SLC71A1: variants seen among roughly 807,000 people sequenced by gnomAD.
SLC71A1 encodes solute carrier family 71 member 1.
the SLC71A1 span, among the ~76,000 whole-genome samples, chr1:100,053,655 A>T: frequency 6.6e-6 from 1 of 152,078 alleles, no homozygotes; most frequent in East Asian, 1.9e-4. Context: ...GATAGCCTTA[A>T]TTTCTTAATT....
chr1:100,047,301 GA>G, the SLC71A1 span, among the ~76,000 whole-genome samples: 15 of 152,094 alleles, frequency 9.9e-5, no homozygotes, highest in African/African-American at 3.6e-4. Flanking sequence ...ATCATTAATT[GA>G]AATGATCATT....
chr1:100,068,561 C>T, the SLC71A1 span: 1 of 1,611,524 alleles, frequency 6.2e-7, no homozygotes, highest in Non-Finnish European at 8.5e-7. Context: ...GGCCAATATT[C>T]CAGCTTTTTT....
chr1:100,074,575 A>G, the SLC71A1 span, among the ~76,000 whole-genome samples: 34 of 150,202 alleles, frequency 2.3e-4, no homozygotes, highest in Non-Finnish European at 4.0e-4. Flanking sequence ...GCGAAACTCC[A>G]TCTCGGGGGG....
the SLC71A1 span, chr1:100,079,515 G>C: frequency 6.6e-6 from 1 of 152,060 alleles, no homozygotes; most frequent in Non-Finnish European, 1.5e-5. Flanking sequence ...GGAAGGAAAG[G>C]CCTATGGCCA....
chr1:100,064,721 C>T, the SLC71A1 span, among the ~76,000 whole-genome samples: 2 of 149,934 alleles, frequency 1.3e-5, no homozygotes, highest in Middle Eastern at 3.5e-3. Flanking sequence ...ATTTTTGTCT[C>T]TTTTCCTTTT....
the SLC71A1 span, among the ~76,000 whole-genome samples, chr1:100,066,079 T>C: frequency 6.6e-6 from 1 of 152,226 alleles, no homozygotes; most frequent in African/African-American, 2.4e-5. Flanking sequence ...GCTCTACTCG[T>C]GTCCTTTTCA....
the SLC71A1 span, among the ~76,000 whole-genome samples, chr1:100,045,108 C>CA: frequency 0.031 from 4,769 of 152,234 alleles, 270 homozygotes; most frequent in African/African-American, 0.11. Flanking sequence ...GTCATTTTCA[C>CA]AATGTTGATT....
the SLC71A1 span, among the ~76,000 whole-genome samples, chr1:100,076,961 A>G: frequency 3.9e-5 from 6 of 152,294 alleles, no homozygotes; most frequent in South Asian, 1.2e-3. Context: ...TCAGTTTTCT[A>G]ACTCTCAGTC....
chr1:100,078,059 A>G, the SLC71A1 span, among the ~76,000 whole-genome samples: 1 of 152,246 alleles, frequency 6.6e-6, no homozygotes, highest in Non-Finnish European at 1.5e-5. Context: ...AATCAGCGAT[A>G]TCTTCACAAA....
the SLC71A1 span, among the ~76,000 whole-genome samples, chr1:100,065,892 A>G: frequency 1.3e-5 from 2 of 149,534 alleles, no homozygotes; most frequent in African/African-American, 5.0e-5. Context: ...CCCAGACTGG[A>G]CTCACTCTTG....
the SLC71A1 span, chr1:100,080,503 T>C: frequency 6.2e-7 from 1 of 1,613,228 alleles, no homozygotes; most frequent in Non-Finnish European, 8.5e-7. Flanking sequence ...TAGGTGTCGT[T>C]CAAGGAATGA....
chr1:100,068,320 C>G, the SLC71A1 span: 8 of 958,396 alleles, frequency 8.3e-6, no homozygotes, highest in Non-Finnish European at 1.3e-5. Flanking sequence ...TTTTGAAATA[C>G]TTTTCAGAAT....
At chr1:100,066,858 G>A in the SLC71A1 span, among the ~76,000 whole-genome samples, 5 of 151,808 alleles carry the variant, frequency 3.3e-5, no homozygotes, top group African/African-American at 4.8e-5. Context: ...GCGAGGTGGC[G>A]GGCGCCTGTA....
chr1:100,042,477 G>A, the SLC71A1 span, among the ~76,000 whole-genome samples: 1 of 152,140 alleles, frequency 6.6e-6, no homozygotes, highest in Non-Finnish European at 1.5e-5. Context: ...TCACCTGCAA[G>A]GATGGCTGAA....
chr1:100,059,947 T>C, the SLC71A1 span: 3 of 1,613,410 alleles, frequency 1.9e-6, no homozygotes, highest in South Asian at 3.3e-5. Flanking sequence ...AAAATCCTTC[T>C]TGCTGCTAAC....
the SLC71A1 span, among the ~76,000 whole-genome samples, chr1:100,067,274 C>T: frequency 6.6e-6 from 1 of 152,088 alleles, no homozygotes; most frequent in African/African-American, 2.4e-5. Flanking sequence ...GATGCGGTCT[C>T]ACTCTGTCAC....
the SLC71A1 span, chr1:100,082,316 T>G: frequency 3.5e-6 from 3 of 854,830 alleles, no homozygotes; most frequent in Non-Finnish European, 5.5e-6. Context: ...AAGATTGTCT[T>G]AAGAAATGTA....
At chr1:100,065,981 T>C in the SLC71A1 span, among the ~76,000 whole-genome samples, 1 of 152,152 alleles carries the variant, frequency 6.6e-6, no homozygotes, top group South Asian at 2.1e-4. Context: ...CTAAGAGTGC[T>C]ATTTTTATGA....
At chr1:100,039,534 G>GA in the SLC71A1 span, among the ~76,000 whole-genome samples, 1 of 151,942 alleles carries the variant, frequency 6.6e-6, no homozygotes, top group Non-Finnish European at 1.5e-5. Flanking sequence ...GACATTTATT[G>GA]AAAAAAAGAA....
Sources: allele counts gnomAD v4.1 joint callset (sites outside exome capture counted in the v4.1 genomes callset), GRCh38; gene constraint gnomAD v4.1.1; transcripts MANE v1.5; gene names NCBI Gene and HGNC (gene_info 2026-07-23, HGNC 2026-07-21).